TBC1D32: variants seen among roughly 807,000 people sequenced by gnomAD.
The protein encoded by TBC1D32 is TBC1 domain family member 32.
In TBC1D32, 151 loss-of-function variants were observed where a neutral mutation model predicts 170.3. That is an observed-to-expected ratio of 0.89 (90% CI 0.78 to 1.01). The LOEUF (loss-of-function observed/expected upper bound fraction) is 1.01. Ranked by LOEUF, TBC1D32 falls within the 50% of genes least tolerant of loss-of-function variation. The pLI, the probability that TBC1D32 is intolerant of heterozygous loss-of-function variation, is 0.00. For synonymous variants in TBC1D32, 498 were observed against 488.0 expected, an observed-to-expected ratio of 1.02 and a Z score of -0.27; for missense variants, 1,464 against 1,457.1, an observed-to-expected ratio of 1.00 and a Z score of -0.08.
intron 1 of TBC1D32, among the ~76,000 whole-genome samples, chr6:121,325,498 A>C (rs1810336972): frequency 1.3e-5 from 2 of 152,196 alleles, no homozygotes; most frequent in Admixed American, 1.3e-4. Flanking sequence ...ATCTTTGACA[A>C]ACCTGACAAA....
chr6:121,095,247 T>C (rs1777260340), intron 30 of TBC1D32, among the ~76,000 whole-genome samples: 1 of 152,148 alleles, frequency 6.6e-6, no homozygotes, highest in Non-Finnish European at 1.5e-5. Context: ...CCTAGGCAAT[T>C]TTGTTCTTGA....
intron 12 of TBC1D32, among the ~76,000 whole-genome samples, chr6:121,288,301 T>C (rs1236292752): frequency 6.6e-6 from 1 of 151,716 alleles, no homozygotes; most frequent in Non-Finnish European, 1.5e-5. Flanking sequence ...ATAGACGCAA[T>C]AAAAAATGAT....
chr6:121,315,811 A>C (rs780123526), intron 3 of TBC1D32, among the ~76,000 whole-genome samples: 4 of 152,132 alleles, frequency 2.6e-5, no homozygotes, highest in Admixed American at 6.6e-5. Flanking sequence ...TTTCACTATA[A>C]GCAAAAGTAT....
chr6:121,087,380 A>G (rs1776364773), intron 31 of TBC1D32, among the ~76,000 whole-genome samples: 1 of 152,230 alleles, frequency 6.6e-6, no homozygotes, highest in Non-Finnish European at 1.5e-5. Context: ...GACCTATTAG[A>G]AATGTAGGCA....
At chr6:121,148,476 C>T (rs1783766694) in intron 24 of TBC1D32, among the ~76,000 whole-genome samples, 1 of 151,734 alleles carries the variant, frequency 6.6e-6, no homozygotes, top group Non-Finnish European at 1.5e-5. Flanking sequence ...AACAGAATCA[C>T]TTAAAATCCT....
intron 22 of TBC1D32, chr6:121,192,663 G>T (rs1790223386): frequency 6.6e-6 from 1 of 152,194 alleles, no homozygotes; most frequent in Non-Finnish European, 1.5e-5. Context: ...TGAGGTCATT[G>T]ATTGGAAAAG....
chr6:121,322,003 C>T (rs749630616), intron 1 of TBC1D32, among the ~76,000 whole-genome samples: 1 of 151,700 alleles, frequency 6.6e-6, no homozygotes, highest in Non-Finnish European at 1.5e-5. Context: ...AAGATTACCA[C>T]AGTAGGGAAA....
chr6:121,296,796 T>C (rs578023041), intron 10 of TBC1D32, among the ~76,000 whole-genome samples: 7 of 152,192 alleles, frequency 4.6e-5, no homozygotes, highest in African/African-American at 1.7e-4. Flanking sequence ...TAGGAAACTT[T>C]TGACATGAAA....
intron 17 of TBC1D32, among the ~76,000 whole-genome samples, chr6:121,251,131 T>C (rs1240503123): frequency 2.0e-5 from 3 of 152,086 alleles, no homozygotes; most frequent in Non-Finnish European, 4.4e-5. Context: ...GAAGAATCAA[T>C]ATTGTGAAAA....
intron 29 of TBC1D32, 163 bp downstream of exon 29, chr6:121,112,342 T>A: frequency 1.8e-6 from 1 of 549,002 alleles, no homozygotes; most frequent in Non-Finnish European, 2.9e-6. Flanking sequence ...TGAGAAAATA[T>A]CAAATCTATA....
Position 121,205,100 on chromosome 6 carries a change from C to T in TBC1D32, c.2545G>A (p.Glu849Lys). The T allele has an allele frequency of 6.5e-7, 1 of 1,529,220 alleles. No homozygotes were observed. Among genetic ancestry groups the T allele is most frequent in the Non-Finnish European group, 8.9e-7 (1 of 1,128,664 alleles). 94.7% of individuals were successfully genotyped at this position (1,529,220 alleles called of 1,614,324 possible). A position where few individuals can be genotyped will look rare whatever the true frequency, so the allele number is the denominator to read the frequency against. The change falls in exon 22 of 32, where the codon GAA (glutamate) becomes AAA (lysine). Residue 849 changes from glutamate to lysine, a missense_variant. Physicochemically the swap from Glu to Lys is moderately conservative, Grantham distance 56. This residue lies in a region of TBC1D32 where 1,363 missense variants were observed against 1,338.1 expected (regional missense o/e 1.02). Coordinates refer to ENST00000398212, the MANE Select transcript of TBC1D32 (RefSeq NM_152730.6). ...EAKIRSLFNY[E>K]QSHIFGLRDF... The stretch of plus-strand genomic sequence containing the variant: ...CTTAGACCAAAGATATGTGATTGTT[C>T]ATAGTTGAATAAAGAACGAATCTTA...
intron 15 of TBC1D32, among the ~76,000 whole-genome samples, chr6:121,274,762 T>A (rs1467159409): frequency 2.0e-5 from 3 of 152,102 alleles, no homozygotes; most frequent in Non-Finnish European, 4.4e-5. Flanking sequence ...CAAAATACAT[T>A]TCAGCGTAAA....
At chr6:121,333,552 G>A (rs1397746827) in intron 1 of TBC1D32, among the ~76,000 whole-genome samples, 2 of 152,126 alleles carry the variant, frequency 1.3e-5, no homozygotes, top group East Asian at 3.9e-4. Context: ...TGCTCAGAGT[G>A]AGTAATTCGT....
intron 22 of TBC1D32, among the ~76,000 whole-genome samples, chr6:121,182,374 G>A (rs1051736936): frequency 1.3e-5 from 2 of 151,982 alleles, no homozygotes; most frequent in African/African-American, 2.4e-5. Context: ...ATATCAACAA[G>A]AAGTCTAAAT....
chr6:121,111,471 T>C (rs1779198397), intron 29 of TBC1D32, among the ~76,000 whole-genome samples: 1 of 152,206 alleles, frequency 6.6e-6, no homozygotes, highest in Non-Finnish European at 1.5e-5. Flanking sequence ...TGTTAGATTT[T>C]TTAAAATCTT....
At chr6:121,112,964 T>G (rs566493644) in intron 28 of TBC1D32, 98 bp downstream of exon 28, 1 of 839,184 alleles carries the variant, frequency 1.2e-6, no homozygotes, top group Admixed American at 2.6e-5. Flanking sequence ...TAGCTTAAAG[T>G]ACTACTTTAC....
In TBC1D32 at chr6:121,317,673, C is replaced by T. The variant is rs1264946180; in HGVS notation, c.318-1G>A. Reference sequence around the variant, plus strand: ...CAGGTAATGCATCATTTCTTTGTACCTTTAAATTCAAGGTAGTCTTAATAA... The same window carrying T: ...CAGGTAATGCATCATTTCTTTGTACTTTTAAATTCAAGGTAGTCTTAATAA... On this transcript the variant is annotated splice_acceptor_variant, in intron 2 of 31. Coordinates refer to ENST00000398212, the MANE Select transcript of TBC1D32 (RefSeq NM_152730.6). LOFTEE classifies it high-confidence loss of function. 6.3e-7 allele frequency: 1 copy of T among 1,577,666 alleles called. No individual in the cohort carries two copies. The highest frequency in any genetic ancestry group is 1.4e-5 in the African/African-American group (1 of 73,258).
In TBC1D32 at chr6:121,141,335, T is replaced by C. The variant is rs535294619; in HGVS notation, c.2774-9583A>G. 5.3e-4 allele frequency among the ~76,000 whole-genome samples: 81 copies of C among 151,888 alleles called. No homozygotes were observed. The Middle Eastern group carries it at 0.01, about 19-fold the overall frequency. On this transcript the variant is annotated intron_variant, in intron 24 of 31. Transcript: ENST00000398212. ...GAATTAGTATTCCAGGAAAAGGGAG[T>C]ATCAAGAGCAAAGGATCAGAGGCAT...
At chr6:121,281,489 TATCC>T in intron 14 of TBC1D32, 51 bp downstream of exon 14, 1 of 1,403,600 alleles carries the variant, frequency 7.1e-7, no homozygotes, top group Non-Finnish European at 9.8e-7. Context: ...TCCCACTGAG[TATCC>T]ACTAATACCC....
Sources: allele counts gnomAD v4.1 joint callset (sites outside exome capture counted in the v4.1 genomes callset), GRCh38; gene constraint gnomAD v4.1.1; regional missense constraint gnomAD v4.1.1; transcripts MANE v1.5; gene names NCBI Gene and HGNC (gene_info 2026-07-23, HGNC 2026-07-21).